The following GCFC2 variants were observed in gnomAD, a reference collection of about 807,000 sequenced individuals.
GCFC2 encodes the protein intron Large complex component GCFC2.
A neutral mutation model predicts 99.4 loss-of-function variants in GCFC2; 102 were observed. The ratio of observed to expected loss-of-function variants is 1.03; its 90% confidence interval spans 0.87 to 1.21. GCFC2 has a LOEUF of 1.21. GCFC2 is among the 50% of genes most tolerant of loss of function. GCFC2 has a pLI of 0.00. For synonymous variants in GCFC2, 338 were observed against 316.8 expected, an observed-to-expected ratio of 1.07 and a Z score of -0.71; for missense variants, 973 against 920.9, an observed-to-expected ratio of 1.06 and a Z score of -0.73.
chr2:75,665,855 C>G (rs1167608266), intron 16 of GCFC2, 74 bp downstream of exon 16: 1 of 923,764 alleles, frequency 1.1e-6, no homozygotes, highest in African/African-American at 1.7e-5. Context: ...AAATACAAAT[C>G]TTTCTAAAAG....
At chr2:75,703,743 C>A (rs546331457) in intron 2 of GCFC2, among the ~76,000 whole-genome samples, 1 of 152,286 alleles carries the variant, frequency 6.6e-6, no homozygotes, top group South Asian at 2.1e-4. Flanking sequence ...ATACCCAGGC[C>A]TCTATACCAG....
chr2:75,708,821 T>C (rs1341640358), intron 1 of GCFC2, among the ~76,000 whole-genome samples: 1 of 152,086 alleles, frequency 6.6e-6, no homozygotes, highest in Admixed American at 6.6e-5. Flanking sequence ...CAACTAACTT[T>C]TAAGAAGGGT....
upstream of GCFC2, among the ~76,000 whole-genome samples, chr2:75,712,615 C>T (rs902139937): frequency 2.0e-5 from 3 of 152,136 alleles, no homozygotes; most frequent in East Asian, 5.8e-4. Context: ...TTCTTTCGCT[C>T]TTTGCAATAA....
rs762597560 is a variant in GCFC2 at position 75,665,993 on chromosome 2, G to A, written c.2164C>T (p.Gln722Ter). 1.2e-6 allele frequency: 2 copies of A among 1,601,512 alleles called. No individual in the cohort carries two copies. Among genetic ancestry groups the A allele is most frequent in the Non-Finnish European group, 1.7e-6 (2 of 1,169,308 alleles). The change falls in exon 16 of 17, where the codon CAG becomes TAG. Residue 722 changes from glutamine to a stop codon, truncating the protein, a stop_gained. Coordinates refer to ENST00000321027, the MANE Select transcript of GCFC2 (RefSeq NM_003203.5). LOFTEE classifies it high-confidence loss of function. ...ENSAMRTSIP[Q>*]LENFIQFLLQ... ...AAAAACTGAATGAAGTTTTCTAGCT[G>A]TGGAATAGATGTCCTCATGGCAGAA...
chr2:75,710,700 C>G lies in GCFC2; in HGVS notation c.156G>C (p.Ala52=), dbSNP rs112361215. 13 of 1,532,230 alleles carry G rather than the reference C, an allele frequency of 8.5e-6. No homozygotes were observed. In the African/African-American group the frequency reaches 1.0e-4, roughly 12 times the overall value. The allele number at this position is 1,532,230 out of a possible 1,614,324, so 94.9% of individuals were successfully genotyped here. ...EEEPPSGGGR[A]QVAGLPHRVR... is the part of the protein sequence containing the mutation. ...CCCGGTGGGGCAGTCCCGCCACCTG[C>G]GCGCGGCCTCCTCCAGAGGGCGGCT... The change falls in exon 1 of 17, where the codon GCG becomes GCC. Residue 52 remains alanine (A), a synonymous_variant. Transcript: ENST00000321027.
intron 12 of GCFC2, among the ~76,000 whole-genome samples, chr2:75,679,164 T>C (rs1160525588): frequency 6.6e-6 from 1 of 152,222 alleles, no homozygotes; most frequent in Non-Finnish European, 1.5e-5. Context: ...TTCTCTGAGA[T>C]TACATGCTTC....
chr2:75,670,257 C>T lies in GCFC2; in HGVS notation c.1984G>A (p.Gly662Arg). The change falls in exon 15 of 17, where the codon GGA (glycine) becomes AGA (arginine). Residue 662 changes from glycine to arginine, a missense_variant. By Grantham distance (125) the Gly-to-Arg change is moderately radical. Coordinates refer to ENST00000321027, the MANE Select transcript of GCFC2 (RefSeq NM_003203.5). The stretch of plus-strand genomic sequence containing the variant: ...TGCAAGGTGTCATCTGTAAGGAGTC[C>T]ATTCCAAAGAAGAATATTGCGGAAG... Reference protein sequence around the residue: ...KLFRNILLWNGLLTDDTLQEL... With the variant: ...KLFRNILLWNRLLTDDTLQEL... 1 of 1,606,774 alleles carries T rather than the reference C, an allele frequency of 6.2e-7. No homozygotes were observed. The highest frequency in any genetic ancestry group is 8.5e-7 in the Non-Finnish European group (1 of 1,173,450).
intron 10 of GCFC2, among the ~76,000 whole-genome samples, 199 bp from the exon 11 acceptor site, chr2:75,688,176 G>C (rs902987726): frequency 1.3e-5 from 2 of 152,210 alleles, no homozygotes; most frequent in Non-Finnish European, 2.9e-5. Context: ...AGTAACATAA[G>C]AAGAAGCTGC....
At chr2:75,682,750 A>C (rs1032673811) in intron 11 of GCFC2, among the ~76,000 whole-genome samples, 2 of 151,934 alleles carry the variant, frequency 1.3e-5, no homozygotes, top group African/African-American at 4.9e-5. Flanking sequence ...GAAGAATACA[A>C]ATGACCTGAT....
intron 12 of GCFC2, among the ~76,000 whole-genome samples, chr2:75,675,076 G>A (rs1054234319): frequency 6.6e-6 from 1 of 152,084 alleles, no homozygotes; most frequent in African/African-American, 2.4e-5. Context: ...CTTGACAAAT[G>A]TTCCCATATT....
chr2:75,711,596 G>A (rs1336604551), upstream of GCFC2, among the ~76,000 whole-genome samples: 2 of 152,172 alleles, frequency 1.3e-5, no homozygotes, highest in South Asian at 2.1e-4. Flanking sequence ...GTTTAGTGGC[G>A]TCATATTGAG....
chr2:75,699,969 T>G (rs1680508563), intron 4 of GCFC2, among the ~76,000 whole-genome samples: 1 of 151,352 alleles, frequency 6.6e-6, no homozygotes, highest in African/African-American at 2.4e-5. Context: ...GGCGTGATCT[T>G]GGCTCACTGC....
At chr2:75,706,765 T>C in intron 1 of GCFC2, 114 bp from the exon 2 acceptor site, 2 of 578,806 alleles carry the variant, frequency 3.5e-6, no homozygotes, top group Admixed American at 3.1e-5. Flanking sequence ...TCCTAGTCCA[T>C]ATATTAAAGT....
chr2:75,684,452 C>G (rs1679725762), intron 11 of GCFC2, among the ~76,000 whole-genome samples: 1 of 152,160 alleles, frequency 6.6e-6, no homozygotes, highest in Non-Finnish European at 1.5e-5. Flanking sequence ...CACAACGTAC[C>G]AGAATCCCTG....
upstream of GCFC2, chr2:75,710,959 T>A: frequency 7.3e-7 from 1 of 1,367,988 alleles, no homozygotes; most frequent in Non-Finnish European, 9.4e-7. Context: ...GGCCGCCGAG[T>A]GCGCGCGCCC....
Position 75,702,357 on chromosome 2 carries a change from T to C in GCFC2, c.461A>G (p.Asp154Gly). The C allele has an allele frequency of 6.2e-7, 1 of 1,612,490 alleles. No homozygotes were observed. The highest frequency in any genetic ancestry group is 8.5e-7 in the Non-Finnish European group (1 of 1,178,464). Residue 154 changes from aspartate (D) to glycine (G), a missense_variant, in exon 3 of 17, where the codon GAT becomes GGT. Transcript: ENST00000321027. ...TTGTACATCCAAAGAAATATAGTCA[T>C]CTTGGGCCCTGGCCAATTCACGTTT... Reference protein sequence around the residue: ...RRKRELARAQDDYISLDVQHT... With the variant: ...RRKRELARAQGDYISLDVQHT...
chr2:75,691,183 T>C (rs1354453152), intron 7 of GCFC2, among the ~76,000 whole-genome samples: 1 of 152,198 alleles, frequency 6.6e-6, no homozygotes, highest in African/African-American at 2.4e-5. Context: ...TACACACCTA[T>C]GATAAAGTTT....
At chr2:75,705,443 G>T (rs1245989263) in intron 2 of GCFC2, among the ~76,000 whole-genome samples, 2 of 151,664 alleles carry the variant, frequency 1.3e-5, no homozygotes, top group Non-Finnish European at 2.9e-5. Flanking sequence ...CTAACACGGT[G>T]AAACCCCATC....
chr2:75,674,904 T>C (rs921652532), intron 12 of GCFC2, among the ~76,000 whole-genome samples: 8 of 152,162 alleles, frequency 5.3e-5, no homozygotes, highest in Non-Finnish European at 8.8e-5. Flanking sequence ...ACTCCATTCT[T>C]TAAACATTCT....
Sources: allele counts gnomAD v4.1 joint callset (sites outside exome capture counted in the v4.1 genomes callset), GRCh38; gene constraint gnomAD v4.1.1; transcripts MANE v1.5; gene names NCBI Gene and HGNC (gene_info 2026-07-23, HGNC 2026-07-21).